The following HS6ST3 variants were observed in gnomAD, a reference collection of about 807,000 sequenced individuals.
HS6ST3 encodes heparan-sulfate 6-O-sulfotransferase 3.
In HS6ST3, 12 loss-of-function variants were observed where a neutral mutation model predicts 36.7. The observed-to-expected ratio is 0.33, with a 90% CI of 0.21 to 0.53. The LOEUF (loss-of-function observed/expected upper bound fraction) is 0.53, where lower values mean the gene tolerates loss of function less well. Among genes scored for constraint, HS6ST3 ranks in the 20% least tolerant of loss-of-function variants. HS6ST3 has a pLI of 0.95. For missense variants in HS6ST3, 584 were observed against 640.9 expected (o/e 0.91, Z 0.96); for synonymous variants, 240 against 257.5 (o/e 0.93, Z 0.65).
chr13:96,773,979 G>A (rs545724685), intron 1 of HS6ST3, among the ~76,000 whole-genome samples: 1 of 152,308 alleles, frequency 6.6e-6, no homozygotes, highest in East Asian at 1.9e-4. Context: ...TCCAGAAGAA[G>A]GAACAGGCAG....
At chr13:96,637,801 T>C (rs2056555003) in intron 1 of HS6ST3, among the ~76,000 whole-genome samples, 1 of 152,102 alleles carries the variant, frequency 6.6e-6, no homozygotes, top group Admixed American at 6.6e-5. Context: ...TGCATAGTCA[T>C]TCTTTTTATT....
chr13:96,282,102 T>TCACATCTAATGTCCC, intron 1 of HS6ST3, among the ~76,000 whole-genome samples: 1 of 152,220 alleles, frequency 6.6e-6, no homozygotes, highest in Non-Finnish European at 1.5e-5. Flanking sequence ...CAAAATGCCT[T>TCACATCTAATGTCCC]CACATCTAAT....
At chr13:96,261,281 A>AT (rs1555294163) in intron 1 of HS6ST3, among the ~76,000 whole-genome samples, 1 of 150,040 alleles carries the variant, frequency 6.7e-6, no homozygotes, top group African/African-American at 2.4e-5. Flanking sequence ...TATCCCTAAA[A>AT]ATATATATAT....
At chr13:96,381,418 C>G (rs4771250) in intron 1 of HS6ST3, among the ~76,000 whole-genome samples, 3,932 of 13,664 alleles carry the variant, frequency 0.29, 181 homozygotes, top group African/African-American at 0.43. Context: ...ATGTATCTAT[C>G]TATCTATCTA....
intron 1 of HS6ST3, among the ~76,000 whole-genome samples, chr13:96,617,896 T>C (rs61967738): frequency 0.025 from 3,838 of 152,308 alleles, 85 homozygotes; most frequent in South Asian, 0.066. Context: ...TCTCTTAATA[T>C]GAAGTATTCT....
At chr13:96,131,374 T>A (rs1245821102) in intron 1 of HS6ST3, among the ~76,000 whole-genome samples, 1 of 152,192 alleles carries the variant, frequency 6.6e-6, no homozygotes, top group African/African-American at 2.4e-5. Context: ...AAAAAAAATC[T>A]TACTGGTTGA....
At chr13:96,234,809 G>A (rs2054526459) in intron 1 of HS6ST3, among the ~76,000 whole-genome samples, 2 of 152,088 alleles carry the variant, frequency 1.3e-5, no homozygotes, top group South Asian at 4.2e-4. Context: ...AGCTTGGCAA[G>A]GTACAAGGGC....
intron 1 of HS6ST3, among the ~76,000 whole-genome samples, chr13:96,272,273 G>A (rs953307280): frequency 6.6e-6 from 1 of 151,896 alleles, no homozygotes; most frequent in African/African-American, 2.4e-5. Flanking sequence ...TCTCTAGACT[G>A]GTCCATAAAA....
chr13:96,833,035 G>A lies in HS6ST3; in HGVS notation c.1253G>A (p.Arg418His). The change falls in exon 2 of 2, where the codon CGC becomes CAC. Residue 418 changes from arginine (R) to histidine (H), a missense_variant. By Grantham distance (29) the Arg-to-His change is conservative. Coordinates refer to ENST00000376705, the MANE Select transcript of HS6ST3 (RefSeq NM_153456.4). ...YEYAKDLFQQ[R>H]YHHTKQLEHQ... ...TATGCAAAAGATCTCTTCCAGCAGC[G>A]CTACCACCACACCAAGCAGCTAGAG... 6 of 1,613,694 alleles carry A rather than the reference G, an allele frequency of 3.7e-6. No homozygotes were observed. Among genetic ancestry groups the A allele is most frequent in the Non-Finnish European group, 4.2e-6 (5 of 1,180,026 alleles).
At chr13:96,212,295 C>A (rs538240130) in intron 1 of HS6ST3, among the ~76,000 whole-genome samples, 95 of 152,272 alleles carry the variant, frequency 6.2e-4, no homozygotes, top group African/African-American at 2.0e-3. Context: ...ATATATATTT[C>A]ATTCTTTTGA....
intron 1 of HS6ST3, among the ~76,000 whole-genome samples, chr13:96,342,209 C>T (rs971922472): frequency 7.9e-5 from 12 of 152,246 alleles, no homozygotes; most frequent in African/African-American, 2.9e-4. Flanking sequence ...TATCTATGGG[C>T]AAATCATTCC....
At chr13:96,747,313 A>G (rs1471911948) in intron 1 of HS6ST3, among the ~76,000 whole-genome samples, 1 of 152,146 alleles carries the variant, frequency 6.6e-6, no homozygotes, top group African/African-American at 2.4e-5. Context: ...AAAAAAGATC[A>G]ATTATATTTA....
chr13:96,738,348 C>T (rs529872851), intron 1 of HS6ST3, among the ~76,000 whole-genome samples: 1 of 151,864 alleles, frequency 6.6e-6, no homozygotes, highest in Non-Finnish European at 1.5e-5. Context: ...AGGTTATTGA[C>T]TGCAGTAACA....
intron 1 of HS6ST3, among the ~76,000 whole-genome samples, chr13:96,419,810 G>A (rs1003580487): frequency 1.3e-5 from 2 of 151,996 alleles, no homozygotes; most frequent in Non-Finnish European, 2.9e-5. Context: ...TCTTCTCCTC[G>A]TGTTTGTGTC....
At chr13:96,105,066 GAAAAAAAA>G (rs35882347) in intron 1 of HS6ST3, among the ~76,000 whole-genome samples, 18 of 137,406 alleles carry the variant, frequency 1.3e-4, no homozygotes, top group African/African-American at 4.9e-4. Context: ...CATAAAGATG[GAAAAAAAA>G]AAAAAAGAAA....
intron 1 of HS6ST3, among the ~76,000 whole-genome samples, chr13:96,503,570 G>A (rs912128799): frequency 2.0e-5 from 3 of 152,126 alleles, no homozygotes; most frequent in African/African-American, 7.2e-5. Flanking sequence ...GAGGAACACT[G>A]GAAGGTATTC....
chr13:96,196,291 G>T (rs560909358), intron 1 of HS6ST3, among the ~76,000 whole-genome samples: 2 of 152,016 alleles, frequency 1.3e-5, no homozygotes, highest in Non-Finnish European at 2.9e-5. Context: ...CTTCAGTTTC[G>T]TAGCTGGTCT....
At chr13:96,754,632 T>C (rs1876779371) in intron 1 of HS6ST3, among the ~76,000 whole-genome samples, 1 of 152,222 alleles carries the variant, frequency 6.6e-6, no homozygotes, top group African/African-American at 2.4e-5. Flanking sequence ...AGCTCTAGGT[T>C]GAGAGTTTTT....
At chr13:96,746,417 T>C (rs770221473) in intron 1 of HS6ST3, among the ~76,000 whole-genome samples, 3 of 151,992 alleles carry the variant, frequency 2.0e-5, no homozygotes, top group Non-Finnish European at 2.9e-5. Context: ...TCTAAAGGTG[T>C]AAAGAAGGAT....
Sources: allele counts gnomAD v4.1 joint callset (sites outside exome capture counted in the v4.1 genomes callset), GRCh38; gene constraint gnomAD v4.1.1; transcripts MANE v1.5; gene names NCBI Gene and HGNC (gene_info 2026-07-23, HGNC 2026-07-21).